DCDC1: variants seen among roughly 807,000 people sequenced by gnomAD.
The protein encoded by DCDC1 is doublecortin domain-containing protein 1.
In DCDC1, 200 loss-of-function variants were observed where a neutral mutation model predicts 178.3. The ratio of observed to expected loss-of-function variants is 1.12; its 90% confidence interval spans 1.00 to 1.26. The LOEUF is 1.26. Among genes scored for constraint, DCDC1 ranks in the 50% most tolerant of loss-of-function variants. The probability of loss-of-function intolerance (pLI) is 0.00; values close to 1 mark genes in which losing one functional copy is unlikely to be tolerated. For missense variants in DCDC1, 1,983 were observed against 1,749.2 expected (o/e 1.13, Z -2.38); for synonymous variants, 690 against 604.8 (o/e 1.14, Z -2.07).
intron 1 of DCDC1, among the ~76,000 whole-genome samples, chr11:31,345,408 C>T (rs538993445): frequency 2.6e-5 from 4 of 152,084 alleles, no homozygotes; most frequent in Non-Finnish European, 5.9e-5. Context: ...ATGCTTAAAA[C>T]AAAGAACTCT....
chr11:31,324,496 A>C (rs1407898588), intron 3 of DCDC1, among the ~76,000 whole-genome samples: 6 of 152,080 alleles, frequency 3.9e-5, no homozygotes, highest in Non-Finnish European at 7.4e-5. Context: ...ATTTATATGT[A>C]GATCTGCAGA....
chr11:31,367,927 G>GAA (rs1241563624), intron 1 of DCDC1, among the ~76,000 whole-genome samples: 1 of 151,928 alleles, frequency 6.6e-6, no homozygotes, highest in African/African-American at 2.4e-5. Flanking sequence ...GGCAAGTAAA[G>GAA]AAAAAAACAA....
intron 10 of DCDC1, among the ~76,000 whole-genome samples, chr11:31,131,989 G>T (rs1017321039): frequency 2.6e-5 from 4 of 152,118 alleles, no homozygotes; most frequent in Non-Finnish European, 4.4e-5. Flanking sequence ...GATGTCATTT[G>T]CACTCTAAAG....
chr11:30,890,630 C>T lies in DCDC1; in HGVS notation c.5082+2188G>A, dbSNP rs148310446. Among the ~76,000 whole-genome samples the T allele has an allele frequency of 3.3e-3, 496 of 152,058 alleles. 3 individuals are homozygous for T. Among genetic ancestry groups the T allele is most frequent in the African/African-American group, 0.011 (453 of 41,484 alleles). ...CCTTATTAAAAAAATCTGGACTTAC[C>T]GTAAAAAATATAGAACACATAGGAA... On this transcript the variant is annotated intron_variant, in intron 36 of 38. Coordinates refer to ENST00000684477, the MANE Select transcript of DCDC1 (RefSeq NM_001387274.1).
At chr11:31,228,713 A>G (rs1180514083) in intron 9 of DCDC1, among the ~76,000 whole-genome samples, 2 of 152,152 alleles carry the variant, frequency 1.3e-5, no homozygotes, top group Non-Finnish European at 2.9e-5. Flanking sequence ...GGAATTAAAA[A>G]GCAAATTCTA....
At chr11:31,268,271 T>C (rs1945312874) in intron 7 of DCDC1, among the ~76,000 whole-genome samples, 1 of 152,200 alleles carries the variant, frequency 6.6e-6, no homozygotes, top group African/African-American at 2.4e-5. Context: ...AAAACTATAA[T>C]CTACTTGAAG....
At chr11:31,188,659 T>C (rs1194222021) in intron 9 of DCDC1, among the ~76,000 whole-genome samples, 1 of 152,144 alleles carries the variant, frequency 6.6e-6, no homozygotes, top group African/African-American at 2.4e-5. Flanking sequence ...CTGACAGATA[T>C]CAGATACACA....
chr11:31,124,032 G>T (rs138461062), intron 11 of DCDC1, among the ~76,000 whole-genome samples: 1 of 152,146 alleles, frequency 6.6e-6, no homozygotes, highest in East Asian at 1.9e-4. Context: ...GGTATGGAAA[G>T]TATTTTAAAG....
At chr11:30,890,643 G>A (rs1943692932) in intron 36 of DCDC1, among the ~76,000 whole-genome samples, 1 of 151,926 alleles carries the variant, frequency 6.6e-6, no homozygotes, top group African/African-American at 2.4e-5. Context: ...AAAAAATATA[G>A]AACACATAGG....
At chr11:31,191,786 G>C (rs1341314694) in intron 9 of DCDC1, among the ~76,000 whole-genome samples, 2 of 152,042 alleles carry the variant, frequency 1.3e-5, no homozygotes, top group Non-Finnish European at 2.9e-5. Flanking sequence ...TCACGGTATT[G>C]AGAATTCACC....
rs760434545 is a variant in DCDC1 at position 30,968,711 on chromosome 11, T to TTTTATATATATATATA, written c.2592-16144_2592-16143insTATATATATATATAAA. On this transcript the variant is annotated intron_variant, in intron 20 of 38. Transcript: ENST00000684477. ...TATATCAAATTATATATATATCAAATTATATATATATATATATATATATAT... is the reference window on the plus strand; with the variant it reads ...TATATCAAATTATATATATATCAAATTTTATATATATATATATATATATATATATATATATATATAT... Among the ~76,000 whole-genome samples, 3 of 61,058 alleles carry TTTTATATATATATATA rather than the reference T, an allele frequency of 4.9e-5. 1 individual carries two copies. The highest frequency in any genetic ancestry group is 2.4e-4 in the African/African-American group (3 of 12,754). The allele number at this position is 61,058 out of a possible 152,430, so 40.1% of individuals were successfully genotyped here.
chr11:31,102,240 G>A lies in DCDC1; in HGVS notation c.1920C>T (p.Thr640=), dbSNP rs781013905. 2 of 733,890 alleles carry A rather than the reference G, an allele frequency of 2.7e-6. No homozygotes were observed. The highest frequency in any genetic ancestry group is 1.7e-5 in the Admixed American group (1 of 57,190). The allele number at this position is 733,890 out of a possible 1,614,324, so 45.5% of individuals were successfully genotyped here. A position where few individuals can be genotyped will look rare whatever the true frequency, so the allele number is the denominator to read the frequency against. ...CAAACTGGTCAGGTATCTGTTGACT[G>A]GTACAGTTGAAATTAATTGGAAATC... ...CEGFPINFNC[T]SQQIPDQFEK... Residue 640 remains threonine (T), a synonymous_variant, in exon 15 of 39, where the codon ACC becomes ACT. Transcript: ENST00000684477.
intron 30 of DCDC1, 58 bp downstream of exon 30, chr11:30,906,482 A>G: frequency 6.5e-7 from 1 of 1,532,888 alleles, no homozygotes. Context: ...TAATGAATGC[A>G]TCAAAGTTTC....
At chr11:31,056,132 A>G (rs1955570715) in intron 20 of DCDC1, among the ~76,000 whole-genome samples, 1 of 152,154 alleles carries the variant, frequency 6.6e-6, no homozygotes, top group Non-Finnish European at 1.5e-5. Flanking sequence ...ACTAATTTAT[A>G]TTAGGCTTTA....
At chr11:30,905,434 GT>G (rs1944991888) in intron 30 of DCDC1, among the ~76,000 whole-genome samples, 1 of 152,082 alleles carries the variant, frequency 6.6e-6, no homozygotes, top group African/African-American at 2.4e-5. Context: ...TTGTTTATTT[GT>G]TTTTTGCTTT....
intron 9 of DCDC1, among the ~76,000 whole-genome samples, chr11:31,212,057 T>C (rs1348706153): frequency 7.1e-6 from 1 of 141,328 alleles, no homozygotes; most frequent in Non-Finnish European, 1.5e-5. Context: ...CACTCCAGCC[T>C]GGGCGACAGA....
Position 31,307,691 on chromosome 11 carries a change from T to G in DCDC1, c.382A>C (p.Ile128Leu), listed in dbSNP as rs374322284. ...KSNSKNNSCS[I>L]SASKRNRPVS... ...GGTCTGTTTCTCTTGGATGCTGATATAGAACAAGAATTGTTTTTACTGTTT... is the reference window on the plus strand; with the variant it reads ...GGTCTGTTTCTCTTGGATGCTGATAGAGAACAAGAATTGTTTTTACTGTTT... The change falls in exon 4 of 39, where the codon ATA becomes CTA. Residue 128 changes from isoleucine (I) to leucine (L), a missense_variant. Physicochemically the swap from Ile to Leu is conservative, Grantham distance 5 (BLOSUM62 2). Coordinates refer to ENST00000684477, the MANE Select transcript of DCDC1 (RefSeq NM_001387274.1). The G allele has an allele frequency of 2.9e-5, 47 of 1,613,994 alleles. No homozygotes were observed. Among genetic ancestry groups the G allele is most frequent in the African/African-American group, 4.0e-5 (3 of 74,938 alleles).
intron 4 of DCDC1, chr11:31,307,409 C>A: frequency 1.9e-6 from 1 of 521,974 alleles, no homozygotes; most frequent in Non-Finnish European, 3.3e-6. Flanking sequence ...TTCAAATATT[C>A]TTTTCAGAGT....
chr11:31,307,573 T>C, intron 4 of DCDC1, 66 bp downstream of exon 4: 1 of 1,570,838 alleles, frequency 6.4e-7, no homozygotes, highest in Non-Finnish European at 8.7e-7. Context: ...TGAAACATTA[T>C]AAACTCTGCT....
Sources: gnomAD v4.1 joint callset for allele counts (sites outside exome capture counted in the v4.1 genomes callset) on GRCh38, gnomAD v4.1.1 for gene constraint, MANE v1.5 for transcripts, NCBI Gene and HGNC (gene_info 2026-07-23, HGNC 2026-07-21) for gene names.